DSCAM: variants seen among roughly 807,000 people sequenced by gnomAD.
DSCAM encodes cell adhesion molecule DSCAM.
A neutral mutation model predicts 217.7 loss-of-function variants in DSCAM; 47 were observed. The ratio of observed to expected loss-of-function variants is 0.22; its 90% CI spans 0.17 to 0.28. DSCAM has a LOEUF of 0.28. Among genes scored for constraint, DSCAM ranks in the 10% least tolerant of loss-of-function variants. DSCAM has a pLI of 1.00. For missense variants in DSCAM, 2,080 were observed against 2,618.3 expected (o/e 0.79, Z 4.49); for synonymous variants, 1,056 against 1,015.3 (o/e 1.04, Z -0.76).
chr21:40,615,456 A>T (rs1983436746), intron 3 of DSCAM: 3 of 12,058 alleles, frequency 2.5e-4, no homozygotes. Context: ...GCACTTTAAG[A>T]GTGATCTCTT....
rs144794942 is a variant in DSCAM, at chr21:40,700,651, C to T, written c.362-7695G>A. 9.9e-5 allele frequency among the ~76,000 whole-genome samples: 15 copies of T among 151,630 alleles called. No individual in the cohort carries two copies. The East Asian group carries it at 2.9e-3, about 29-fold the overall frequency. On this transcript the variant is annotated intron_variant, in intron 2 of 32. Coordinates refer to ENST00000400454, the MANE Select transcript of DSCAM (RefSeq NM_001389.5). ...GTCTTGTTTATGTATTAGGGTAATG[C>T]TAACTTCATAAAATGATTTGGGAAA...
intron 11 of DSCAM, among the ~76,000 whole-genome samples, chr21:40,267,259 T>C (rs918722538): frequency 7.0e-6 from 1 of 143,680 alleles, no homozygotes; most frequent in South Asian, 2.1e-4. Context: ...TGTTTTACAG[T>C]TAACTTTTTT....
intron 6 of DSCAM, among the ~76,000 whole-genome samples, chr21:40,341,182 GC>G (rs2074487282): frequency 6.6e-6 from 1 of 152,104 alleles, no homozygotes; most frequent in Non-Finnish European, 1.5e-5. Context: ...AAAAATTGAT[GC>G]TTTTGTCTTT....
At chr21:40,721,494 A>C (rs1293873629) in intron 1 of DSCAM, among the ~76,000 whole-genome samples, 3 of 152,190 alleles carry the variant, frequency 2.0e-5, no homozygotes, top group Non-Finnish European at 4.4e-5. Context: ...TAAAACAGTC[A>C]AATGGACCTT....
chr21:40,261,080 C>G (rs779695709), intron 11 of DSCAM, among the ~76,000 whole-genome samples: 1 of 152,202 alleles, frequency 6.6e-6, no homozygotes, highest in Non-Finnish European at 1.5e-5. Context: ...AAAGAAACCA[C>G]AACAATGACC....
chr21:40,542,566 C>T (rs1228808180), intron 3 of DSCAM, among the ~76,000 whole-genome samples: 1 of 152,168 alleles, frequency 6.6e-6, no homozygotes, highest in Non-Finnish European at 1.5e-5. Flanking sequence ...TTAGCTTATT[C>T]TTCAGCTCTG....
chr21:40,254,418 C>T (rs1275673553), intron 11 of DSCAM, among the ~76,000 whole-genome samples: 1 of 152,174 alleles, frequency 6.6e-6, no homozygotes, highest in Non-Finnish European at 1.5e-5. Flanking sequence ...ATTCATTATG[C>T]TCCCCCATTC....
intron 16 of DSCAM, among the ~76,000 whole-genome samples, chr21:40,152,137 A>AC (rs1458355442): frequency 1.3e-5 from 2 of 151,286 alleles, no homozygotes; most frequent in Non-Finnish European, 3.0e-5. Flanking sequence ...ACACAAAAAA[A>AC]ACAAAAAACT....
intron 3 of DSCAM, among the ~76,000 whole-genome samples, chr21:40,554,077 G>A (rs892412129): frequency 3.3e-5 from 5 of 151,950 alleles, no homozygotes; most frequent in Middle Eastern, 3.4e-3. Flanking sequence ...ATGTCATAAC[G>A]CTTACTACAA....
rs1555884519 is a variant in DSCAM at position 40,731,734 on chromosome 21, C to CCT, written c.44-22964_44-22963insAG. Among the ~76,000 whole-genome samples the CCT allele has an allele frequency of 2.0e-4, 25 of 124,356 alleles. 1 individual carries two copies. The highest frequency in any genetic ancestry group is 4.7e-4 in the Admixed American group (6 of 12,776). 81.6% of individuals were successfully genotyped at this position (124,356 alleles called of 152,430 possible). ...ATTACCTCCTTCCCACTGCACCCCC[C>CCT]CCCCCGCCCCCCGGGTGAGAGTCTT... On this transcript the variant is annotated intron_variant, in intron 1 of 32. Transcript: ENST00000400454.
chr21:40,101,230 A>C (rs1267898962), intron 20 of DSCAM, among the ~76,000 whole-genome samples: 1 of 152,180 alleles, frequency 6.6e-6, no homozygotes, highest in African/African-American at 2.4e-5. Flanking sequence ...AAAGCCTGTT[A>C]TTTCTCATCT....
intron 32 of DSCAM, among the ~76,000 whole-genome samples, chr21:40,030,529 G>A (rs1034045889): frequency 6.6e-6 from 1 of 152,118 alleles, no homozygotes; most frequent in African/African-American, 2.4e-5. Flanking sequence ...AAAGATAAAG[G>A]CCAGGAGATA....
intron 1 of DSCAM, among the ~76,000 whole-genome samples, chr21:40,710,465 C>A (rs974718948): frequency 1.3e-5 from 2 of 152,026 alleles, no homozygotes; most frequent in African/African-American, 2.4e-5. Context: ...CTGTTTAATT[C>A]TTTTATACAT....
chr21:40,564,410 T>C (rs1439862581), intron 3 of DSCAM, among the ~76,000 whole-genome samples: 3 of 152,348 alleles, frequency 2.0e-5, no homozygotes, highest in South Asian at 2.1e-4. Context: ...GTTCTGACTA[T>C]GCACACAAAG....
intron 3 of DSCAM, among the ~76,000 whole-genome samples, chr21:40,506,035 A>T (rs2076207783): frequency 2.6e-5 from 4 of 152,244 alleles, no homozygotes; most frequent in Non-Finnish European, 5.9e-5. Context: ...TGAACCACGG[A>T]TATGATACTC....
rs148385419 is a variant in DSCAM at position 40,131,331 on chromosome 21, C to T, written c.3562+2523G>A. On this transcript the variant is annotated intron_variant, in intron 19 of 32. Coordinates refer to ENST00000400454, the MANE Select transcript of DSCAM (RefSeq NM_001389.5). ...GTCTACAAAAGTGGTTGACACAATTCTTCACCGTTTCTAAATTATTGAATT... is the reference window on the plus strand; with the variant it reads ...GTCTACAAAAGTGGTTGACACAATTTTTCACCGTTTCTAAATTATTGAATT... 7.7e-4 allele frequency among the ~76,000 whole-genome samples: 118 copies of T among 152,302 alleles called. 4 individuals carry two copies. The East Asian group carries it at 0.02, about 26-fold the overall frequency.
At chr21:40,154,108 G>C (rs1200756956) in intron 16 of DSCAM, among the ~76,000 whole-genome samples, 11 of 152,120 alleles carry the variant, frequency 7.2e-5, no homozygotes, top group Middle Eastern at 3.4e-3. Context: ...ATGTCAGGTC[G>C]AGGAGACCTC....
chr21:40,035,928 C>T lies in DSCAM; in HGVS notation c.5686+6443G>A, dbSNP rs201088925. ...TCCTGAATGACTACTGGGTACATAA[C>T]GAAATGAAGCTAGAAATAAAGATGT... On this transcript the variant is annotated intron_variant, in intron 32 of 32. Coordinates refer to ENST00000400454, the MANE Select transcript of DSCAM (RefSeq NM_001389.5). Among the ~76,000 whole-genome samples, 8 of 149,038 alleles carry T rather than the reference C, an allele frequency of 5.4e-5. No individual in the cohort carries two copies. In the East Asian group the frequency reaches 1.4e-3, roughly 25 times the overall value.
Position 40,492,753 on chromosome 21 carries a change from A to G in DSCAM, c.509-123508T>C, listed in dbSNP as rs551077855. On this transcript the variant is annotated intron_variant, in intron 3 of 32. Transcript: ENST00000400454. ...ATTATATGACCAATTCAAGAAAGCA[A>G]ATCTTTGCATTACAGGAGTTTGAGG... Among the ~76,000 whole-genome samples the G allele has an allele frequency of 2.0e-5, 3 of 152,266 alleles. No homozygotes were observed. In the South Asian group the frequency reaches 6.2e-4, roughly 32 times the overall value.
Sources: gnomAD v4.1 joint callset for allele counts (sites outside exome capture counted in the v4.1 genomes callset) on GRCh38, gnomAD v4.1.1 for gene constraint, MANE v1.5 for transcripts, NCBI Gene and HGNC (gene_info 2026-07-23, HGNC 2026-07-21) for gene names.